Variants in ASTN2 observed in about 807,000 individuals in gnomAD.
ASTN2 encodes astrotactin-2.
ASTN2 carries 54 observed loss-of-function variants against 139.8 expected under a neutral mutation model. That is an observed-to-expected ratio of 0.39 (90% CI 0.31 to 0.48). The LOEUF (loss-of-function observed/expected upper bound fraction) is 0.48, where lower values mean the gene tolerates loss of function less well. Among genes scored for constraint, ASTN2 ranks in the 20% least tolerant of loss-of-function variants. The pLI, the probability that ASTN2 is intolerant of heterozygous loss-of-function variation, is 0.95. For synonymous variants in ASTN2, 756 were observed against 719.5 expected, an observed-to-expected ratio of 1.05 and a Z score of -0.81; for missense variants, 1,565 against 1,725.1, an observed-to-expected ratio of 0.91 and a Z score of 1.64.
chr9:116,437,823 T>TA (rs1409644326), intron 22 of ASTN2, among the ~76,000 whole-genome samples: 1 of 152,174 alleles, frequency 6.6e-6, no homozygotes, highest in African/African-American at 2.4e-5. Flanking sequence ...GGGAGAAAGT[T>TA]AAAGTCCAGG....
At position 116,769,512 on chromosome 9, in the gene ASTN2, G is replaced by T. The variant is rs909795459; in HGVS notation, c.2397-35989C>A. ...TGAGTTTGGAGAGACAAACACTTAT[G>T]GGCTGAAGGAAAAGAACAGGAGAGA... On this transcript the variant is annotated intron_variant, in intron 13 of 22. Coordinates refer to ENST00000313400, the MANE Select transcript of ASTN2 (RefSeq NM_001365068.1). Among the ~76,000 whole-genome samples, 14 of 152,230 alleles carry T rather than the reference G, an allele frequency of 9.2e-5. No individual in the cohort carries two copies. In the South Asian group the frequency reaches 2.3e-3, roughly 25 times the overall value.
chr9:116,836,515 G>T (rs970223094), intron 11 of ASTN2, among the ~76,000 whole-genome samples: 3 of 152,112 alleles, frequency 2.0e-5, no homozygotes, highest in African/African-American at 7.2e-5. Flanking sequence ...TTATTGTCTA[G>T]CATTTTTCTG....
At chr9:116,790,964 AAGGAAAGAAAG>A (rs1564268823) in intron 13 of ASTN2, among the ~76,000 whole-genome samples, 20 of 106,706 alleles carry the variant, frequency 1.9e-4, no homozygotes, top group African/African-American at 5.9e-4. Context: ...GAAAAGAAAG[AAGGAAAGAAAG>A]AAAGAAAGAA....
chr9:116,559,900 T>G (rs1051360082), intron 19 of ASTN2, among the ~76,000 whole-genome samples: 7 of 152,194 alleles, frequency 4.6e-5, no homozygotes, highest in African/African-American at 7.2e-5. Context: ...TCCTCTTTCT[T>G]CTTAGTTTAC....
At chr9:117,242,709 C>G (rs899100517) in intron 2 of ASTN2, among the ~76,000 whole-genome samples, 1 of 152,154 alleles carries the variant, frequency 6.6e-6, no homozygotes, top group African/African-American at 2.4e-5. Flanking sequence ...ACCTGCTGTT[C>G]CAGAGGCATG....
At chr9:117,049,869 G>C (rs776368267) in intron 5 of ASTN2, among the ~76,000 whole-genome samples, 2 of 152,174 alleles carry the variant, frequency 1.3e-5, no homozygotes, top group Non-Finnish European at 2.9e-5. Context: ...GAAGGAAAAA[G>C]ATGCTGTACT....
At chr9:117,175,429 A>T (rs921723261) in intron 3 of ASTN2, among the ~76,000 whole-genome samples, 4 of 152,186 alleles carry the variant, frequency 2.6e-5, no homozygotes, top group African/African-American at 9.6e-5. Flanking sequence ...CTTTTCATAA[A>T]TAAGACTTTA....
intron 20 of ASTN2, among the ~76,000 whole-genome samples, chr9:116,458,841 T>C: frequency 6.6e-6 from 1 of 152,062 alleles, no homozygotes; most frequent in East Asian, 1.9e-4. Flanking sequence ...TTCCCAAATT[T>C]ATCTGTAGAT....
chr9:116,497,838 C>CT (rs1408958521), intron 19 of ASTN2, among the ~76,000 whole-genome samples: 1 of 152,148 alleles, frequency 6.6e-6, no homozygotes, highest in Non-Finnish European at 1.5e-5. Context: ...TTTTCTTTTA[C>CT]TTTTTTCCTT....
chr9:116,454,928 A>C (rs1364284610), intron 20 of ASTN2, among the ~76,000 whole-genome samples: 1 of 152,112 alleles, frequency 6.6e-6, no homozygotes, highest in Admixed American at 6.5e-5. Context: ...TAGGAGATAT[A>C]CCTAATGCAA....
intron 5 of ASTN2, among the ~76,000 whole-genome samples, chr9:117,054,631 T>C (rs940507760): frequency 1.3e-5 from 2 of 152,106 alleles, no homozygotes; most frequent in East Asian, 3.9e-4. Flanking sequence ...ATGGGGAATG[T>C]GCAGTTCAGC....
intron 2 of ASTN2, among the ~76,000 whole-genome samples, chr9:117,268,459 GC>G (rs1400258516): frequency 6.6e-6 from 1 of 152,134 alleles, no homozygotes; most frequent in Non-Finnish European, 1.5e-5. Context: ...CCTCCAGGAG[GC>G]TTTCCTTAAT....
At chr9:116,593,574 T>C (rs1451699864) in intron 19 of ASTN2, among the ~76,000 whole-genome samples, 1 of 152,222 alleles carries the variant, frequency 6.6e-6, no homozygotes, top group African/African-American at 2.4e-5. Context: ...CCACCTGTGA[T>C]AGTTCACCTG....
At chr9:116,883,290 G>A (rs1362919888) in intron 10 of ASTN2, among the ~76,000 whole-genome samples, 1 of 152,020 alleles carries the variant, frequency 6.6e-6, no homozygotes, top group Non-Finnish European at 1.5e-5. Context: ...AAATTATATC[G>A]ATATAAACAC....
At chr9:116,894,249 G>A (rs1203497823) in intron 10 of ASTN2, among the ~76,000 whole-genome samples, 3 of 152,142 alleles carry the variant, frequency 2.0e-5, no homozygotes, top group African/African-American at 7.2e-5. Context: ...CAAAGGAAGT[G>A]GTAGGTAGGG....
chr9:117,202,544 A>G (rs189467864), intron 3 of ASTN2, among the ~76,000 whole-genome samples: 7 of 152,160 alleles, frequency 4.6e-5, no homozygotes, highest in African/African-American at 1.7e-4. Flanking sequence ...GTGGTAATGA[A>G]ATCCCACAGC....
At position 116,835,263 on chromosome 9, in the gene ASTN2, C is replaced by T. The variant is rs143442110; in HGVS notation, c.2041-14480G>A. On this transcript the variant is annotated intron_variant, in intron 11 of 22. Transcript: ENST00000313400. Reference sequence around the variant, plus strand: ...TCTCATCAGATGGGTTTATTTAATCCTATACATTGTGACTTACTTTCCAAT... The same window carrying T: ...TCTCATCAGATGGGTTTATTTAATCTTATACATTGTGACTTACTTTCCAAT... Among the ~76,000 whole-genome samples, 1,272 of 152,094 alleles carry T rather than the reference C, an allele frequency of 8.4e-3. 26 individuals carry two copies. Among genetic ancestry groups the T allele is most frequent in the African/African-American group, 0.029 (1,197 of 41,476 alleles).
intron 10 of ASTN2, among the ~76,000 whole-genome samples, chr9:116,887,156 T>C (rs1310407525): frequency 2.0e-5 from 3 of 152,060 alleles, no homozygotes; most frequent in African/African-American, 7.2e-5. Context: ...GTTGGATAGA[T>C]TAAATTTGGA....
At chr9:116,953,304 T>C (rs1161761286) in intron 10 of ASTN2, among the ~76,000 whole-genome samples, 2 of 152,352 alleles carry the variant, frequency 1.3e-5, no homozygotes, top group East Asian at 3.9e-4. Flanking sequence ...ATAGTTACAA[T>C]TGAATCTGTA....
Sources: allele counts gnomAD v4.1 joint callset (sites outside exome capture counted in the v4.1 genomes callset), GRCh38; gene constraint gnomAD v4.1.1; transcripts MANE v1.5; gene names NCBI Gene and HGNC (gene_info 2026-07-23, HGNC 2026-07-21).